The following TEX11 variants were observed in gnomAD, a reference collection of about 807,000 sequenced individuals.
TEX11 encodes testis-expressed protein 11.
A neutral mutation model predicts 84.4 loss-of-function variants in TEX11; 7 were observed. The observed-to-expected ratio is 0.08, with a 90% CI of 0.05 to 0.16. The LOEUF is 0.16. Among genes scored for constraint, TEX11 ranks in the 10% least tolerant of loss-of-function variants. TEX11 has a pLI of 1.00. For missense variants in TEX11, 551 were observed against 660.5 expected, an observed-to-expected ratio of 0.83 and a Z score of 1.82; for synonymous variants, 264 against 222.8, an observed-to-expected ratio of 1.18 and a Z score of -1.64.
intron 9 of TEX11, among the ~76,000 whole-genome samples, chrX:70,758,529 T>C (rs1417361894): frequency 9.0e-6 from 1 of 111,601 alleles, no homozygotes; most frequent in Non-Finnish European, 1.9e-5. Context: ...ACTGGGTAAA[T>C]AACAAAATGA....
chrX:70,890,307 A>C (rs1382477340), intron 2 of TEX11, among the ~76,000 whole-genome samples: 1 of 111,608 alleles, frequency 9.0e-6, no homozygotes, highest in Non-Finnish European at 1.9e-5. Flanking sequence ...TGCATTTCCA[A>C]CTGAGGTACC....
intron 11 of TEX11, among the ~76,000 whole-genome samples, chrX:70,728,498 A>G (rs2090617510): frequency 8.9e-6 from 1 of 112,984 alleles, no homozygotes; most frequent in South Asian, 3.6e-4. Flanking sequence ...CTTAGCAAAC[A>G]AAACACCAGG....
intron 25 of TEX11, among the ~76,000 whole-genome samples, chrX:70,568,036 G>C (rs1433327630): frequency 9.0e-6 from 1 of 111,358 alleles, no homozygotes; most frequent in African/African-American, 3.3e-5. Flanking sequence ...TTGTGTGGGA[G>C]TCTAAGTCTC....
chrX:70,732,367 G>A lies in TEX11; in HGVS notation c.844-7024C>T, dbSNP rs952229769. Among the ~76,000 whole-genome samples, 2 of 111,625 alleles carry A rather than the reference G, an allele frequency of 1.8e-5. 1 individual carries two copies. Among genetic ancestry groups the A allele is most frequent in the African/African-American group, 6.5e-5 (2 of 30,701 alleles). On this transcript the variant is annotated intron_variant, in intron 11 of 29. Coordinates refer to ENST00000374333, the MANE Select transcript of TEX11 (RefSeq NM_031276.3). ...GAAAAGAGGAAGTCAAATTGTCCCT[G>A]TTTGCAGATGACATGATTGTATATC...
chrX:70,678,934 GTCTCCCTCTCCC>G lies in TEX11; in HGVS notation c.1157-57_1157-46del, dbSNP rs373860238. Reference sequence around the variant, plus strand: ...CTGAAAATAAGAATCTCGGTCTATTGTCTCCCTCTCCCTCTCCCTCTCCCTCTCCCTCTCCCC... The same window carrying G: ...CTGAAAATAAGAATCTCGGTCTATTGTCTCCCTCTCCCTCTCCCTCTCCCC... On this transcript the variant is annotated intron_variant, in intron 14 of 29. Transcript: ENST00000374333. The G allele has an allele frequency of 1.4e-4, 142 of 1,031,818 alleles. No individual in the cohort carries two copies. The South Asian group carries it at 1.4e-3, about 10-fold the overall frequency. 85.0% of individuals were successfully genotyped at this position (1,031,818 alleles called of 1,213,427 possible).
Position 70,873,212 on chromosome X carries a change from T to C in TEX11, c.244+11A>G. ...ACGCCTCATAATACATGTCACAATA[T>C]GTATACATACATCTAATTTTCTGCT... is the stretch of plus-strand genomic sequence containing the variant. On this transcript the variant is annotated intron_variant, in intron 4 of 29. Transcript: ENST00000374333. 1 of 1,053,806 alleles carries C rather than the reference T, an allele frequency of 9.5e-7. No individual in the cohort carries two copies. The highest frequency in any genetic ancestry group is 1.3e-6 in the Non-Finnish European group (1 of 752,234). 86.8% of individuals were successfully genotyped at this position (1,053,806 alleles called of 1,213,427 possible). A position where few individuals can be genotyped will look rare whatever the true frequency, so the allele number is the denominator to read the frequency against.
At chrX:70,586,369 C>T (rs1035333678) in intron 25 of TEX11, among the ~76,000 whole-genome samples, 2 of 111,828 alleles carry the variant, frequency 1.8e-5, no homozygotes, top group African/African-American at 6.5e-5. Flanking sequence ...AGGACATTAT[C>T]AAGAAAGTGA....
chrX:70,542,947 C>T (rs545838042), intron 28 of TEX11, among the ~76,000 whole-genome samples: 247 of 111,768 alleles, frequency 2.2e-3, no homozygotes, highest in African/African-American at 7.0e-3. Flanking sequence ...TTTGGGAGGC[C>T]GAGGTGGGCG....
rs188472677 is a variant in TEX11 at position 70,538,893 on chromosome X, G to T, written c.2521-8894C>A. Among the ~76,000 whole-genome samples, 529 of 105,539 alleles carry T rather than the reference G, an allele frequency of 5.0e-3. 5 individuals carry two copies. Among genetic ancestry groups the T allele is most frequent in the African/African-American group, 0.017 (499 of 29,304 alleles). The allele number at this position is 105,539 out of a possible 115,157, so 91.6% of individuals were successfully genotyped here. On this transcript the variant is annotated intron_variant, in intron 28 of 29. Transcript: ENST00000374333. ...TTTAGATCCCAATTGCCTAATCTAT[G>T]AACTTATATAAGATTGGCAGAAGTA... is the stretch of plus-strand genomic sequence containing the variant.
At chrX:70,698,395 T>C (rs2090298620) in intron 13 of TEX11, among the ~76,000 whole-genome samples, 3 of 110,188 alleles carry the variant, frequency 2.7e-5, no homozygotes, top group Admixed American at 2.0e-4. Context: ...ATATTGTCTT[T>C]GGTAAGAAAC....
chrX:70,582,721 C>CATTT lies in TEX11; in HGVS notation c.2140+9026_2140+9029dup, dbSNP rs200086003. Among the ~76,000 whole-genome samples the CATTT allele has an allele frequency of 7.7e-3, 370 of 48,243 alleles. 4 individuals carry two copies. The highest frequency in any genetic ancestry group is 0.013 in the South Asian group (11 of 853). 41.9% of individuals were successfully genotyped at this position (48,243 alleles called of 115,157 possible). A position where few individuals can be genotyped will look rare whatever the true frequency, so the allele number is the denominator to read the frequency against. On this transcript the variant is annotated intron_variant, in intron 25 of 29. Transcript: ENST00000374333. Reference sequence around the variant, plus strand: ...TTAGAATTGTGTTACCTCCTATGTACATTTATTTATTTATTTATTTATTTA... The same window carrying CATTT: ...TTAGAATTGTGTTACCTCCTATGTACATTTATTTATTTATTTATTTATTTATTTA...
At chrX:70,576,031 C>A (rs2088669482) in intron 25 of TEX11, among the ~76,000 whole-genome samples, 2 of 111,857 alleles carry the variant, frequency 1.8e-5, no homozygotes, top group African/African-American at 6.5e-5. Flanking sequence ...TAATACATTT[C>A]CTTATTTCCA....
At chrX:70,624,716 C>T (rs370763662) in intron 19 of TEX11, 123 bp downstream of exon 19, 2 of 480,320 alleles carry the variant, frequency 4.2e-6, no homozygotes, top group African/African-American at 4.9e-5. Flanking sequence ...ACCTCACCCT[C>T]CTCTGCTTCG....
At chrX:70,762,602 T>C (rs2090915739) in intron 9 of TEX11, among the ~76,000 whole-genome samples, 1 of 110,931 alleles carries the variant, frequency 9.0e-6, no homozygotes, top group South Asian at 3.9e-4. Flanking sequence ...AAGGATCTAA[T>C]ACTTAATGAT....
chrX:70,725,533 T>A (rs1376021086), intron 11 of TEX11, among the ~76,000 whole-genome samples, 190 bp from the exon 12 acceptor site: 1 of 111,964 alleles, frequency 8.9e-6, no homozygotes, highest in African/African-American at 3.2e-5. Context: ...TCAATCTAAA[T>A]GAAATAATAT....
At chrX:70,624,246 G>A (rs777839593) in intron 19 of TEX11, among the ~76,000 whole-genome samples, 1 of 111,868 alleles carries the variant, frequency 8.9e-6, no homozygotes, top group South Asian at 3.7e-4. Context: ...TAAAACAAAA[G>A]CGTTGCTTAT....
At chrX:70,527,073 T>A (rs568720723), downstream of TEX11, among the ~76,000 whole-genome samples, 1 of 111,942 alleles carries the variant, frequency 8.9e-6, no homozygotes, top group Non-Finnish European at 1.9e-5. Context: ...CAATGCCAAC[T>A]AATAAATGAA....
chrX:70,725,706 AATG>A (rs1338561936), intron 11 of TEX11, among the ~76,000 whole-genome samples: 3 of 112,171 alleles, frequency 2.7e-5, no homozygotes, highest in Non-Finnish European at 5.6e-5. Context: ...CTTTGCAAAC[AATG>A]GCGGAATAAA....
At chrX:70,833,735 A>C (rs2091390186) in intron 7 of TEX11, 142 bp from the exon 8 acceptor site, 1 of 468,914 alleles carries the variant, frequency 2.1e-6, no homozygotes, top group Admixed American at 4.2e-5. Context: ...GTTCAAGCTA[A>C]ACAGATAGCT....
Sources: allele counts gnomAD v4.1 joint callset (sites outside exome capture counted in the v4.1 genomes callset), GRCh38; gene constraint gnomAD v4.1.1; transcripts MANE v1.5; gene names NCBI Gene and HGNC (gene_info 2026-07-23, HGNC 2026-07-21).